ADAMTS19: variants seen among roughly 807,000 people sequenced by gnomAD.
The protein encoded by ADAMTS19 is ADAM metallopeptidase with thrombospondin type 1 motif 19, also known as A disintegrin and metalloproteinase with thrombospondin motifs 19.
In ADAMTS19, 93 loss-of-function variants were observed where a neutral mutation model predicts 153.3. The observed-to-expected ratio is 0.61, with a 90% confidence interval of 0.51 to 0.72. ADAMTS19 has a LOEUF of 0.72. Among genes scored for constraint, ADAMTS19 ranks in the 30% least tolerant of loss-of-function variants. ADAMTS19 has a pLI of 0.00. For missense variants in ADAMTS19, 1,482 were observed against 1,552.1 expected, an observed-to-expected ratio of 0.95 and a Z score of 0.76; for synonymous variants, 600 against 556.6, an observed-to-expected ratio of 1.08 and a Z score of -1.10.
intron 10 of ADAMTS19, among the ~76,000 whole-genome samples, chr5:129,634,891 A>AAG (rs58216053): frequency 0.2 from 30,176 of 150,066 alleles, 3,673 homozygotes; most frequent in African/African-American, 0.33. Context: ...AGCAAAATAA[A>AAG]AGAGAGAGAG....
intron 20 of ADAMTS19, among the ~76,000 whole-genome samples, chr5:129,702,942 AT>A (rs58967502): frequency 0.096 from 1,890 of 19,642 alleles, 96 homozygotes; most frequent in African/African-American, 0.16. Context: ...AAAAAAAAAA[AT>A]ATATATATAT....
intron 2 of ADAMTS19, among the ~76,000 whole-genome samples, chr5:129,486,850 T>A (rs934160680): frequency 1.3e-5 from 2 of 152,154 alleles, no homozygotes; most frequent in Non-Finnish European, 2.9e-5. Context: ...AACATGATCA[T>A]GTACATAGAA....
At chr5:129,541,937 G>A (rs1427690397) in intron 6 of ADAMTS19, among the ~76,000 whole-genome samples, 1 of 152,058 alleles carries the variant, frequency 6.6e-6, no homozygotes, top group Non-Finnish European at 1.5e-5. Context: ...ATGATATTTT[G>A]TCATTTATTT....
chr5:129,631,381 T>C (rs1752283305), intron 10 of ADAMTS19, among the ~76,000 whole-genome samples: 1 of 151,886 alleles, frequency 6.6e-6, no homozygotes, highest in Admixed American at 6.6e-5. Flanking sequence ...ATTAATAGAG[T>C]TATACAAATC....
rs147138374 is a variant in ADAMTS19 at position 129,504,147 on chromosome 5, A to C, written c.748-4930A>C. On this transcript the variant is annotated intron_variant, in intron 2 of 22. Transcript: ENST00000274487. ...CTATATTTTCCCATTTCTTTGCTCA[A>C]ACCAGACATCTTCCACCTGTTGCCT... is the stretch of plus-strand genomic sequence containing the variant. Among the ~76,000 whole-genome samples, 15 of 152,192 alleles carry C rather than the reference A, an allele frequency of 9.9e-5. No homozygotes were observed. In the East Asian group the frequency reaches 2.9e-3, roughly 29 times the overall value.
At chr5:129,529,622 G>A (rs981300949) in intron 6 of ADAMTS19, among the ~76,000 whole-genome samples, 4 of 152,152 alleles carry the variant, frequency 2.6e-5, no homozygotes, top group Non-Finnish European at 5.9e-5. Context: ...TGCAAACATC[G>A]CAGTCAACCC....
At chr5:129,610,975 C>G (rs1024939326) in intron 8 of ADAMTS19, among the ~76,000 whole-genome samples, 1 of 152,056 alleles carries the variant, frequency 6.6e-6, no homozygotes, top group Non-Finnish European at 1.5e-5. Context: ...TTTTAATGAT[C>G]GCCATTCTAA....
intron 8 of ADAMTS19, among the ~76,000 whole-genome samples, chr5:129,616,413 C>G (rs1336882614): frequency 6.6e-6 from 1 of 151,936 alleles, no homozygotes; most frequent in Non-Finnish European, 1.5e-5. Flanking sequence ...AAAAAGCCTA[C>G]TCTTTTAAAA....
At chr5:129,557,373 A>G (rs1448294324) in intron 7 of ADAMTS19, among the ~76,000 whole-genome samples, 3 of 151,934 alleles carry the variant, frequency 2.0e-5, no homozygotes, top group African/African-American at 7.2e-5. Flanking sequence ...TGAGGCAGGC[A>G]GATTGCTTCA....
intron 12 of ADAMTS19, among the ~76,000 whole-genome samples, chr5:129,648,222 G>GA: frequency 6.6e-6 from 1 of 152,236 alleles, no homozygotes; most frequent in Non-Finnish European, 1.5e-5. Flanking sequence ...AGGATGATAA[G>GA]AAAGAGAATG....
intron 2 of ADAMTS19, among the ~76,000 whole-genome samples, chr5:129,478,976 A>G (rs190724876): frequency 4.6e-5 from 7 of 152,320 alleles, no homozygotes; most frequent in Admixed American, 6.5e-5. Flanking sequence ...ACACTGCTAT[A>G]TGCCATATAC....
chr5:129,491,837 A>T (rs1158567164), intron 2 of ADAMTS19, among the ~76,000 whole-genome samples: 1 of 152,158 alleles, frequency 6.6e-6, no homozygotes, highest in African/African-American at 2.4e-5. Flanking sequence ...TGATACATAG[A>T]TTATGTTACT....
chr5:129,596,088 G>T (rs1335631501), intron 7 of ADAMTS19, among the ~76,000 whole-genome samples: 5 of 151,976 alleles, frequency 3.3e-5, no homozygotes, highest in East Asian at 1.9e-4. Context: ...TTCATAAATA[G>T]AATTTCACAA....
chr5:129,526,509 G>C, intron 4 of ADAMTS19, 53 bp downstream of exon 4: 1 of 1,479,454 alleles, frequency 6.8e-7, no homozygotes, highest in Non-Finnish European at 9.1e-7. Context: ...CTCTAAGGAA[G>C]ACATGTGTGA....
In ADAMTS19 at chr5:129,663,875, A is replaced by G. The variant is rs373374587; in HGVS notation, c.2426-1624A>G. Among the ~76,000 whole-genome samples the G allele has an allele frequency of 8.1e-4, 123 of 152,290 alleles. 3 individuals carry two copies. The South Asian group carries it at 0.017, about 21-fold the overall frequency. On this transcript the variant is annotated intron_variant, in intron 15 of 22. Coordinates refer to ENST00000274487, the MANE Select transcript of ADAMTS19 (RefSeq NM_133638.6). The stretch of plus-strand genomic sequence containing the variant: ...TAAATCTTCTCATTCCATCTGAATT[A>G]TTTTATTCAAGTGCCACTAACCACA...
chr5:129,506,107 AC>A (rs1334117536), intron 2 of ADAMTS19, among the ~76,000 whole-genome samples: 2 of 152,144 alleles, frequency 1.3e-5, no homozygotes, highest in East Asian at 3.8e-4. Context: ...TGCAGATAAA[AC>A]AATTTATTTT....
At chr5:129,574,015 T>C (rs558497498) in intron 7 of ADAMTS19, among the ~76,000 whole-genome samples, 1 of 152,184 alleles carries the variant, frequency 6.6e-6, no homozygotes, top group Non-Finnish European at 1.5e-5. Context: ...ATGTTGTCAG[T>C]GAACAATAAT....
chr5:129,498,044 C>T (rs76344997), intron 2 of ADAMTS19, among the ~76,000 whole-genome samples: 2,153 of 152,136 alleles, frequency 0.014, 35 homozygotes, highest in African/African-American at 0.033. Context: ...CATGTCCTGC[C>T]AACCTGTCTG....
At chr5:129,694,194 C>G (rs1429771953) in intron 18 of ADAMTS19, among the ~76,000 whole-genome samples, 1 of 152,126 alleles carries the variant, frequency 6.6e-6, no homozygotes, top group East Asian at 1.9e-4. Context: ...TAATTTGTAA[C>G]AGGGAATATT....
Sources: gnomAD v4.1 joint callset for allele counts (sites outside exome capture counted in the v4.1 genomes callset) on GRCh38, gnomAD v4.1.1 for gene constraint, MANE v1.5 for transcripts, NCBI Gene and HGNC (gene_info 2026-07-23, HGNC 2026-07-21) for gene names.